CALM3: variants seen among roughly 807,000 people sequenced by gnomAD.
CALM3 encodes the protein calmodulin-3.
CALM3 carries 5 observed loss-of-function variants against 20.1 expected under a neutral mutation model. The observed-to-expected ratio is 0.25, with a 90% CI of 0.13 to 0.52. The LOEUF is 0.52. CALM3 is among the 20% of genes least tolerant of loss of function. CALM3 has a pLI of 0.96. For synonymous variants in CALM3, 69 were observed against 68.1 expected (o/e 1.01, Z -0.06); for missense variants, 57 against 192.8 (o/e 0.30, Z 4.17).
chr19:46,601,105 C>A (rs1235526957), upstream of CALM3: 2 of 897,054 alleles, frequency 2.2e-6, no homozygotes, highest in Non-Finnish European at 3.3e-6. The surrounding 1 kb of genome is among the most constrained non-coding windows in gnomAD (Gnocchi z 4.2). Flanking sequence ...GCGACGGGAG[C>A]GAGCGCGCGC....
chr19:46,607,151 A>G (rs1301213365), intron 2 of CALM3, among the ~76,000 whole-genome samples: 2 of 152,040 alleles, frequency 1.3e-5, no homozygotes, highest in South Asian at 2.1e-4. Context: ...TGCCCTCCCC[A>G]AGAACAACAA....
intron 2 of CALM3, 182 bp downstream of exon 2, chr19:46,606,039 C>T (rs529690199): frequency 3.7e-5 from 22 of 592,608 alleles, no homozygotes; most frequent in Admixed American, 5.4e-5. Context: ...CCCAATGACA[C>T]GAAGCCCCAT....
Position 46,605,829 on chromosome 19 carries a change from T to C in CALM3, c.6T>C (p.Ala2=), listed in dbSNP as rs1971731490. The change falls in exon 2 of 6, where the codon GCT becomes GCC. Residue 2 remains alanine, a splice_region_variant and synonymous_variant. Transcript: ENST00000291295. The surrounding 1 kb of genome is among the most constrained non-coding windows in gnomAD (Gnocchi z 4.1). Reference sequence around the variant, plus strand: ...CTTTCCCCTTCATGCTTTTACAGGCTGACCAGCTGACTGAGGAGCAGATTG... The same window carrying C: ...CTTTCCCCTTCATGCTTTTACAGGCCGACCAGCTGACTGAGGAGCAGATTG... M[A]DQLTEEQIAE... is the part of the protein sequence containing the mutation. The C allele has an allele frequency of 6.2e-7, 1 of 1,614,174 alleles. No homozygotes were observed. Among genetic ancestry groups the C allele is most frequent in the Non-Finnish European group, 8.5e-7 (1 of 1,179,996 alleles).
Position 46,609,087 on chromosome 19 carries a change from G to C in CALM3, c.422-38G>C, listed in dbSNP as rs138439676. ...GGGAGGGCCGCTCGCCACTTAGCCT[G>C]CCCGCCTGACCTCCTCTCTCTCTGC... is the stretch of plus-strand genomic sequence containing the variant. On this transcript the variant is annotated intron_variant, in intron 5 of 5. Coordinates refer to ENST00000291295, the MANE Select transcript of CALM3 (RefSeq NM_005184.4). 140 of 1,613,884 alleles carry C rather than the reference G, an allele frequency of 8.7e-5. No homozygotes were observed. In the African/African-American group the frequency reaches 1.7e-3, roughly 20 times the overall value.
chr19:46,608,215 C>A lies in CALM3; in HGVS notation c.53C>A (p.Ser18Tyr). Residue 18 changes from serine (S) to tyrosine (Y), a missense_variant, in exon 3 of 6, where the codon TCC becomes TAC. Ser to Tyr is a moderately radical substitution (Grantham distance 144). Coordinates refer to ENST00000291295, the MANE Select transcript of CALM3 (RefSeq NM_005184.4). The surrounding 1 kb of genome is among the most constrained non-coding windows in gnomAD (Gnocchi z 5.5). ...EQIAEFKEAF[S>Y]LFDKDGDGTI... ...CCCCCAGAGTTCAAGGAGGCCTTCT[C>A]CCTCTTTGACAAGGATGGAGATGGC... 1 of 1,613,952 alleles carries A rather than the reference C, an allele frequency of 6.2e-7. No homozygotes were observed. The highest frequency in any genetic ancestry group is 8.5e-7 in the Non-Finnish European group (1 of 1,179,890).
upstream of CALM3, chr19:46,601,310 CG>C: frequency 2.3e-6 from 2 of 865,284 alleles, no homozygotes; most frequent in South Asian, 3.1e-5. This position sits in a 1 kb window ranked among gnomAD's most constrained non-coding sequence, Gnocchi z 4.2. Flanking sequence ...GCGGCGGCGG[CG>C]GCGGCGCGCG....
Position 46,601,471 on chromosome 19 carries a change from G to C in CALM3, c.3+34G>C. 1 of 1,483,984 alleles carries C rather than the reference G, an allele frequency of 6.7e-7. No homozygotes were observed. The highest frequency in any genetic ancestry group is 9.0e-7 in the Non-Finnish European group (1 of 1,116,618). 91.9% of individuals were successfully genotyped at this position (1,483,984 alleles called of 1,614,324 possible). A position where few individuals can be genotyped will look rare whatever the true frequency, so the allele number is the denominator to read the frequency against. On this transcript the variant is annotated intron_variant, in intron 1 of 5. Coordinates refer to ENST00000291295, the MANE Select transcript of CALM3 (RefSeq NM_005184.4). The surrounding 1 kb of genome is among the most constrained non-coding windows in gnomAD (Gnocchi z 4.2). ...GGCTGGGGGGTCGCCGAGGCTGCGGGCTCTGAGGCGGGCTTAACGGGGCAG... is the reference window on the plus strand; with the variant it reads ...GGCTGGGGGGTCGCCGAGGCTGCGGCCTCTGAGGCGGGCTTAACGGGGCAG...
Position 46,601,509 on chromosome 19 carries a change from G to C in CALM3, c.3+72G>C. 1 of 1,336,376 alleles carries C rather than the reference G, an allele frequency of 7.5e-7. No individual in the cohort carries two copies. The highest frequency in any genetic ancestry group is 1.5e-5 in the African/African-American group (1 of 65,390). The allele number at this position is 1,336,376 out of a possible 1,614,324, so 82.8% of individuals were successfully genotyped here. ...CTTAACGGGGCAGGACCCCTGAGGG[G>C]GCGACAGAGCCCAGAGTGGGGGGCG... On this transcript the variant is annotated intron_variant, in intron 1 of 5. Coordinates refer to ENST00000291295, the MANE Select transcript of CALM3 (RefSeq NM_005184.4). This position sits in a 1 kb window ranked among gnomAD's most constrained non-coding sequence, Gnocchi z 4.2.
rs1326424625 is a variant in CALM3, at chr19:46,601,605, A to G, written c.3+168A>G. Among the ~76,000 whole-genome samples the G allele has an allele frequency of 6.6e-6, 1 of 152,194 alleles. No homozygotes were observed. Among genetic ancestry groups the G allele is most frequent in the Admixed American group, 6.5e-5 (1 of 15,280 alleles). On this transcript the variant is annotated intron_variant, in intron 1 of 5. Transcript: ENST00000291295. This position sits in a 1 kb window ranked among gnomAD's most constrained non-coding sequence, Gnocchi z 4.2. ...CGGGGGCTGTTGAACCCAGAGCGGG[A>G]CGTCTGGATCACCAGAGGTTTCCAG...
rs544127281 is a variant in CALM3, at chr19:46,608,117, AGGGAAGGCAT to A, written c.35-79_35-70del. 2.1e-4 allele frequency: 303 copies of A among 1,414,584 alleles called. 1 individual carries two copies. In the African/African-American group the frequency reaches 4.1e-3, roughly 19 times the overall value. The allele number at this position is 1,414,584 out of a possible 1,614,324, so 87.6% of individuals were successfully genotyped here. A position where few individuals can be genotyped will look rare whatever the true frequency, so the allele number is the denominator to read the frequency against. The stretch of plus-strand genomic sequence containing the variant: ...GGACTGATGCCCTTGGCCTTCCTCC[AGGGAAGGCAT>A]CCAGCATCCAGAGGTAAGGATTCTC... On this transcript the variant is annotated intron_variant, in intron 2 of 5. Coordinates refer to ENST00000291295, the MANE Select transcript of CALM3 (RefSeq NM_005184.4). This position sits in a 1 kb window ranked among gnomAD's most constrained non-coding sequence, Gnocchi z 5.5.
chr19:46,601,529 G>A lies in CALM3; in HGVS notation c.3+92G>A, dbSNP rs528529256. ...GAGGGGGCGACAGAGCCCAGAGTGG[G>A]GGGCGTCCGGGCCCGGCGAGAGCCT... On this transcript the variant is annotated intron_variant, in intron 1 of 5. Transcript: ENST00000291295. The surrounding 1 kb of genome is among the most constrained non-coding windows in gnomAD (Gnocchi z 4.2). The A allele has an allele frequency of 2.7e-5, 33 of 1,200,038 alleles. No individual in the cohort carries two copies. In the South Asian group the frequency reaches 6.1e-4, roughly 22 times the overall value. 74.3% of individuals were successfully genotyped at this position (1,200,038 alleles called of 1,614,324 possible). A position where few individuals can be genotyped will look rare whatever the true frequency, so the allele number is the denominator to read the frequency against.
At chr19:46,606,848 G>C (rs1971753613) in intron 2 of CALM3, among the ~76,000 whole-genome samples, 1 of 152,136 alleles carries the variant, frequency 6.6e-6, no homozygotes, top group Non-Finnish European at 1.5e-5. Flanking sequence ...GCACACAGTA[G>C]ACCAGAGTAG....
In CALM3 at chr19:46,608,083, C is replaced by G. The variant is rs934412662; in HGVS notation, c.35-114C>G. Reference sequence around the variant, plus strand: ...TGGGACTTGAAGTCTGTCTCAGTTTCTTTAGGTGGGACTGATGCCCTTGGC... The same window carrying G: ...TGGGACTTGAAGTCTGTCTCAGTTTGTTTAGGTGGGACTGATGCCCTTGGC... On this transcript the variant is annotated intron_variant, in intron 2 of 5. Coordinates refer to ENST00000291295, the MANE Select transcript of CALM3 (RefSeq NM_005184.4). This position sits in a 1 kb window ranked among gnomAD's most constrained non-coding sequence, Gnocchi z 5.5. 2.0e-6 allele frequency: 2 copies of G among 985,758 alleles called. No individual in the cohort carries two copies. Among genetic ancestry groups the G allele is most frequent in the African/African-American group, 3.2e-5 (2 of 61,734 alleles). The allele number at this position is 985,758 out of a possible 1,614,324, so 61.1% of individuals were successfully genotyped here.
At chr19:46,602,142 T>A (rs1971636151) in intron 1 of CALM3, 8 of 1,333,800 alleles carry the variant, frequency 6.0e-6, no homozygotes, top group Non-Finnish European at 8.0e-6. Flanking sequence ...GCAGCGGAGA[T>A]TAGAAGATAC....
chr19:46,602,361 G>A (rs1258819218), intron 1 of CALM3, among the ~76,000 whole-genome samples: 1 of 150,042 alleles, frequency 6.7e-6, no homozygotes. Context: ...TTGTGTTTGG[G>A]TCCAAGAGAA....
intron 5 of CALM3, 62 bp downstream of exon 5, chr19:46,609,043 C>T: frequency 6.2e-7 from 1 of 1,612,068 alleles, no homozygotes; most frequent in Non-Finnish European, 8.5e-7. Context: ...AGGAACAAGC[C>T]CCCAGATCCC....
In CALM3 at chr19:46,609,117, C is replaced by T. The variant is rs1317120997; in HGVS notation, c.422-8C>T. 1.2e-6 allele frequency: 2 copies of T among 1,614,126 alleles called. No individual in the cohort carries two copies. Among genetic ancestry groups the T allele is most frequent in the East Asian group, 2.2e-5 (1 of 44,880 alleles). ...CCTGACCTCCTCTCTCTCTGCTTCA[C>T]TCCACAGAGTTTGTACAGATGATGA... On this transcript the variant is annotated splice_region_variant and splice_polypyrimidine_tract_variant and intron_variant, in intron 5 of 5. Transcript: ENST00000291295.
At chr19:46,607,087 A>G (rs1971758059) in intron 2 of CALM3, among the ~76,000 whole-genome samples, 1 of 152,162 alleles carries the variant, frequency 6.6e-6, no homozygotes, top group South Asian at 2.1e-4. Context: ...AAGCCAGAAG[A>G]TGGCCTGGTT....
In CALM3 at chr19:46,608,140, G is replaced by C. The variant is rs1971782440; in HGVS notation, c.35-57G>C. The C allele has an allele frequency of 6.4e-7, 1 of 1,564,506 alleles. No homozygotes were observed. On this transcript the variant is annotated intron_variant, in intron 2 of 5. Transcript: ENST00000291295. This position sits in a 1 kb window ranked among gnomAD's most constrained non-coding sequence, Gnocchi z 5.5. ...CCAGGGAAGGCATCCAGCATCCAGAGGTAAGGATTCTCCTGTGGACCTTGT... is the reference window on the plus strand; with the variant it reads ...CCAGGGAAGGCATCCAGCATCCAGACGTAAGGATTCTCCTGTGGACCTTGT...
Sources: gnomAD v4.1 joint callset for allele counts (sites outside exome capture counted in the v4.1 genomes callset) on GRCh38, gnomAD v4.1.1 for gene constraint, Gnocchi (gnomAD v3.1) non-coding constraint, MANE v1.5 for transcripts, NCBI Gene and HGNC (gene_info 2026-07-23, HGNC 2026-07-21) for gene names.